The following CLIC5 variants were observed in gnomAD, a reference collection of about 807,000 sequenced individuals.
CLIC5 encodes the protein chloride intracellular channel protein 5.
A neutral mutation model predicts 24.7 loss-of-function variants in CLIC5; 20 were observed. The ratio of observed to expected loss-of-function variants is 0.81; its 90% CI spans 0.57 to 1.18. CLIC5 has a LOEUF of 1.18. Among genes scored for constraint, CLIC5 ranks in the 50% most tolerant of loss-of-function variants. CLIC5 has a pLI of 0.00. For missense variants in CLIC5, 341 were observed against 326.1 expected, an observed-to-expected ratio of 1.05 and a Z score of -0.35; for synonymous variants, 159 against 135.6, an observed-to-expected ratio of 1.17 and a Z score of -1.20.
chr6:45,881,209 G>A (rs568535159), intron 6 of CLIC5: 4 of 398,034 alleles, frequency 1.0e-5, no homozygotes, highest in Non-Finnish European at 8.9e-6. Flanking sequence ...AGAAACAACA[G>A]GATTTGAGTT....
chr6:46,002,854 T>C (rs1183358074), intron 1 of CLIC5, among the ~76,000 whole-genome samples: 1 of 152,212 alleles, frequency 6.6e-6, no homozygotes. Flanking sequence ...CTTGGACTAT[T>C]CATTGCCACC....
chr6:45,914,541 A>C, intron 4 of CLIC5, 132 bp from the exon 5 acceptor site: 1 of 1,280,158 alleles, frequency 7.8e-7, no homozygotes, highest in Non-Finnish European at 9.9e-7. Flanking sequence ...CACACACTGC[A>C]GAATACCTGG....
rs183142908 is a variant in CLIC5, at chr6:45,884,947, T to G, written c.624-3759A>C. 2.2e-4 allele frequency among the ~76,000 whole-genome samples: 34 copies of G among 152,218 alleles called. No homozygotes were observed. The East Asian group carries it at 3.3e-3, about 15-fold the overall frequency. ...TAAACTGTCAAGAGTACATAACACT[T>G]GCTGTATGCTTCAGGAAATAGGTTT... On this transcript the variant is annotated intron_variant, in intron 6 of 6. Coordinates refer to the CLIC5 transcript ENST00000644324.
chr6:45,900,687 C>A lies in CLIC5; in HGVS notation c.*2401G>T, dbSNP rs1762488769. On this transcript the variant is annotated 3_prime_UTR_variant, in exon 6 of 6. Transcript: ENST00000339561. Reference sequence around the variant, plus strand: ...ATAAAGAAATTTCTGAATTAAGTACCCAGAAGTGCCTTCCTTCTGTACTCC... The same window carrying A: ...ATAAAGAAATTTCTGAATTAAGTACACAGAAGTGCCTTCCTTCTGTACTCC... The A allele has an allele frequency of 6.6e-6, 1 of 151,944 alleles. No homozygotes were observed. The highest frequency in any genetic ancestry group is 6.6e-5 in the Admixed American group (1 of 15,254). The allele number at this position is 151,944 out of a possible 1,614,324, so 9.4% of individuals were successfully genotyped here.
At chr6:45,999,372 G>A (rs140826485) in intron 1 of CLIC5, among the ~76,000 whole-genome samples, 13 of 152,258 alleles carry the variant, frequency 8.5e-5, no homozygotes, top group Middle Eastern at 6.8e-3. Flanking sequence ...CTGGGTATAT[G>A]GTGTGTGCCA....
the CLIC5 span, among the ~76,000 whole-genome samples, chr6:46,108,168 G>T: frequency 4.0e-5 from 6 of 151,840 alleles, no homozygotes; most frequent in African/African-American, 1.5e-4. Flanking sequence ...GAGATTGCAT[G>T]AATCTGCTTA....
intron 1 of CLIC5, among the ~76,000 whole-genome samples, chr6:46,053,731 T>C (rs1009381002): frequency 2.0e-5 from 3 of 152,198 alleles, no homozygotes; most frequent in African/African-American, 7.2e-5. Context: ...GCTGGGGTTT[T>C]ATACTATGGC....
At chr6:46,095,873 G>C in the CLIC5 span, among the ~76,000 whole-genome samples, 1 of 150,828 alleles carries the variant, frequency 6.6e-6, no homozygotes, top group East Asian at 1.9e-4. Context: ...GTACTAAGCT[G>C]CTTCCATATT....
At chr6:46,116,775 A>G in the CLIC5 span, among the ~76,000 whole-genome samples, 1 of 152,170 alleles carries the variant, frequency 6.6e-6, no homozygotes, top group Non-Finnish European at 1.5e-5. Flanking sequence ...AAAATTGTTG[A>G]CCATCTAGGT....
intron 1 of CLIC5, among the ~76,000 whole-genome samples, chr6:46,007,472 A>C (rs991626672): frequency 6.6e-6 from 1 of 152,120 alleles, no homozygotes; most frequent in Non-Finnish European, 1.5e-5. Context: ...TTTTGTATTC[A>C]CTTCTGTATT....
At chr6:45,908,507 T>G (rs1014231428) in intron 5 of CLIC5, among the ~76,000 whole-genome samples, 5 of 152,228 alleles carry the variant, frequency 3.3e-5, no homozygotes, top group African/African-American at 1.2e-4. Flanking sequence ...ATGTTTTTAC[T>G]TTTGCCGTAA....
chr6:46,036,049 G>GTCC (rs1767650362), intron 1 of CLIC5, among the ~76,000 whole-genome samples: 1 of 151,910 alleles, frequency 6.6e-6, no homozygotes. Context: ...CCTGCCCAGA[G>GTCC]TTGGTTTTTA....
intron 5 of CLIC5, among the ~76,000 whole-genome samples, chr6:45,905,330 A>T (rs1411418318): frequency 6.6e-6 from 1 of 152,164 alleles, no homozygotes; most frequent in Non-Finnish European, 1.5e-5. Flanking sequence ...TTACATTCCC[A>T]TTAACACTGT....
intron 3 of CLIC5, among the ~76,000 whole-genome samples, chr6:45,941,972 C>A (rs185033330): frequency 2.6e-5 from 4 of 152,066 alleles, no homozygotes; most frequent in Non-Finnish European, 4.4e-5. Flanking sequence ...AGTGGGATGG[C>A]GCAATCAAAG....
chr6:46,056,755 G>A (rs1450051927), intron 1 of CLIC5, among the ~76,000 whole-genome samples: 1 of 152,120 alleles, frequency 6.6e-6, no homozygotes, highest in African/African-American at 2.4e-5. Flanking sequence ...GGGCAACTCT[G>A]TTTACATCAG....
intron 4 of CLIC5, 124 bp from the exon 5 acceptor site, chr6:45,914,533 C>T (rs1762946705): frequency 8.5e-6 from 11 of 1,294,658 alleles, no homozygotes; most frequent in Non-Finnish European, 1.1e-5. Flanking sequence ...CAGCTCCCCA[C>T]ACACTGCAGA....
chr6:45,909,661 G>T (rs1283982678), intron 5 of CLIC5, among the ~76,000 whole-genome samples: 1 of 152,120 alleles, frequency 6.6e-6, no homozygotes, highest in South Asian at 2.1e-4. Flanking sequence ...GCCTGATGGG[G>T]TTCCATTTGT....
chr6:46,006,002 A>ATATGTGTATATATATATATATT (rs1330895254), intron 1 of CLIC5, among the ~76,000 whole-genome samples: 3 of 107,482 alleles, frequency 2.8e-5, no homozygotes, highest in African/African-American at 1.1e-4. Context: ...ATATATATTT[A>ATATGTGTATATATATATATATT]TATATATATA....
At chr6:45,968,906 C>A (rs1350993543) in intron 1 of CLIC5, among the ~76,000 whole-genome samples, 1 of 152,166 alleles carries the variant, frequency 6.6e-6, no homozygotes, top group Non-Finnish European at 1.5e-5. Context: ...GTTCTGCGTT[C>A]CAGACCTAGT....
Sources: allele counts gnomAD v4.1 joint callset (sites outside exome capture counted in the v4.1 genomes callset), GRCh38; gene constraint gnomAD v4.1.1; transcripts MANE v1.5; gene names NCBI Gene and HGNC (gene_info 2026-07-23, HGNC 2026-07-21).